The following CCDC91 variants were observed in gnomAD, a reference collection of about 807,000 sequenced individuals.
The protein encoded by CCDC91 is coiled-coil domain-containing protein 91.
In CCDC91, 48 loss-of-function variants were observed where a neutral mutation model predicts 63.2. The observed-to-expected ratio is 0.76, with a 90% CI of 0.60 to 0.97. The LOEUF is 0.97. Among genes scored for constraint, CCDC91 ranks in the 50% least tolerant of loss-of-function variants. The probability of loss-of-function intolerance (pLI) is 0.00; values close to 1 mark genes in which losing one functional copy is unlikely to be tolerated. For missense variants in CCDC91, 500 were observed against 494.6 expected, an observed-to-expected ratio of 1.01 and a Z score of -0.10; for synonymous variants, 167 against 165.8, an observed-to-expected ratio of 1.01 and a Z score of -0.06.
In CCDC91 at chr12:28,426,231, A is replaced by C. The variant is rs561534632; in HGVS notation, c.763-23930A>C. On this transcript the variant is annotated intron_variant, in intron 8 of 12. Coordinates refer to ENST00000536442, the MANE Select transcript of CCDC91 (RefSeq NM_018318.5). ...CTTTGGATCTCTGGCTGTTTTCAAA[A>C]TTTCCTCCTTTTCTTTGGTTTTGTG... Among the ~76,000 whole-genome samples the C allele has an allele frequency of 3.3e-5, 5 of 152,130 alleles. No individual in the cohort carries two copies. In the South Asian group the frequency reaches 8.3e-4, roughly 25 times the overall value.
At chr12:28,424,076 C>T (rs1948168415) in intron 8 of CCDC91, among the ~76,000 whole-genome samples, 1 of 152,030 alleles carries the variant, frequency 6.6e-6, no homozygotes, top group Middle Eastern at 3.2e-3. Flanking sequence ...TACTGGCTTG[C>T]ACCACCAAGG....
rs1270511792 is a variant in CCDC91 at position 28,489,208 on chromosome 12, C to T, written c.1215+5043C>T. On this transcript the variant is annotated intron_variant, in intron 12 of 12. Transcript: ENST00000536442. ...CTTCTTATGCCTCAGGGTAACTAGA[C>T]AATTGAAGTCTCTTAGGTGCTATTC... Among the ~76,000 whole-genome samples the T allele has an allele frequency of 4.6e-5, 7 of 152,008 alleles. No homozygotes were observed. The South Asian group carries it at 1.5e-3, about 32-fold the overall frequency.
chr12:28,483,121 C>T (rs1446288207), intron 11 of CCDC91, among the ~76,000 whole-genome samples: 1 of 151,740 alleles, frequency 6.6e-6, no homozygotes, highest in Non-Finnish European at 1.5e-5. Context: ...ATAGAGAATC[C>T]TTTATATTAT....
chr12:28,413,963 C>G (rs1947483272), intron 8 of CCDC91, among the ~76,000 whole-genome samples: 1 of 152,058 alleles, frequency 6.6e-6, no homozygotes, highest in Non-Finnish European at 1.5e-5. Context: ...CCCTTTTTGC[C>G]TGTTAGATAA....
At chr12:28,445,266 C>T (rs2140270981) in intron 8 of CCDC91, among the ~76,000 whole-genome samples, 1 of 152,164 alleles carries the variant, frequency 6.6e-6, no homozygotes, top group Non-Finnish European at 1.5e-5. Context: ...AGGTTCAGAG[C>T]TGGATTTGGT....
chr12:28,259,454 C>CAG lies in CCDC91; in HGVS notation c.109+13_109+14dup. 4.1e-6 allele frequency: 6 copies of CAG among 1,479,808 alleles called. No individual in the cohort carries two copies. Among genetic ancestry groups the CAG allele is most frequent in the Non-Finnish European group, 5.6e-6 (6 of 1,070,592 alleles). 91.7% of individuals were successfully genotyped at this position (1,479,808 alleles called of 1,614,324 possible). On this transcript the variant is annotated intron_variant, in intron 3 of 12. Coordinates refer to ENST00000536442, the MANE Select transcript of CCDC91 (RefSeq NM_018318.5). ...TGCCTTTCCTGCAGGTATTGGTATC[C>CAG]AGGAATTAGGGTTTTTTTTTTTTTT...
intron 1 of CCDC91, among the ~76,000 whole-genome samples, chr12:28,245,322 G>GAA (rs955926278): frequency 2.7e-5 from 4 of 150,072 alleles, no homozygotes; most frequent in African/African-American, 9.8e-5. Flanking sequence ...TCCATATCAG[G>GAA]AAAAAAAAAG....
chr12:28,549,183 G>T lies in CCDC91; in HGVS notation c.*10G>T. 6.8e-7 allele frequency: 1 copy of T among 1,460,096 alleles called. No homozygotes were observed. The highest frequency in any genetic ancestry group is 1.1e-5 in the South Asian group (1 of 87,578). 90.4% of individuals were successfully genotyped at this position (1,460,096 alleles called of 1,614,324 possible). On this transcript the variant is annotated 3_prime_UTR_variant, in exon 13 of 13. Transcript: ENST00000536442. Reference sequence around the variant, plus strand: ...AGTTGACATTGAATAAAAAGAACATGACAAACCCACACTGGCATTGGATAA... The same window carrying T: ...AGTTGACATTGAATAAAAAGAACATTACAAACCCACACTGGCATTGGATAA...
rs1195017780 is a variant in CCDC91 at position 28,452,589 on chromosome 12, A to G, written c.1036A>G (p.Lys346Glu). 1.9e-6 allele frequency: 3 copies of G among 1,585,068 alleles called. No individual in the cohort carries two copies. The East Asian group carries it at 6.8e-5, about 36-fold the overall frequency. Residue 346 changes from lysine (K) to glutamate (E), a missense_variant, in exon 11 of 13, where the codon AAA becomes GAA. Physicochemically the swap from Lys to Glu is moderately conservative, Grantham distance 56. Coordinates refer to ENST00000536442, the MANE Select transcript of CCDC91 (RefSeq NM_018318.5). ...GGAATTATGGAAGACAGAACATGCAAAAGATCAAGAAAAAGTATCTCAGGA... is the reference window on the plus strand; with the variant it reads ...GGAATTATGGAAGACAGAACATGCAGAAGATCAAGAAAAAGTATCTCAGGA... Reference protein sequence around the residue: ...ERELWKTEHAKDQEKVSQEIQ... With the variant: ...ERELWKTEHAEDQEKVSQEIQ...
Position 28,526,738 on chromosome 12 carries a change from G to A in CCDC91, c.1216-22325G>A, listed in dbSNP as rs551146904. Among the ~76,000 whole-genome samples, 5 of 152,012 alleles carry A rather than the reference G, an allele frequency of 3.3e-5. No homozygotes were observed. In the South Asian group the frequency reaches 8.3e-4, roughly 25 times the overall value. ...TTTTCTCTTCCTCCTCAGGAACACC[G>A]ATTATTCTTAGGTTTGGCCATTTAA... is the stretch of plus-strand genomic sequence containing the variant. On this transcript the variant is annotated intron_variant, in intron 12 of 12. Transcript: ENST00000536442.
intron 1 of CCDC91, among the ~76,000 whole-genome samples, chr12:28,211,637 G>C (rs11049464): frequency 0.26 from 39,716 of 152,134 alleles, 5,460 homozygotes; most frequent in Non-Finnish European, 0.31. Context: ...TTCTGTAAGA[G>C]TTCGTTGCCT....
chr12:28,493,998 G>A (rs1159616735), intron 12 of CCDC91, among the ~76,000 whole-genome samples: 1 of 151,706 alleles, frequency 6.6e-6, no homozygotes, highest in Admixed American at 6.6e-5. Context: ...ATTTTAGGCA[G>A]ATCAGGTCAC....
At chr12:28,258,460 A>G (rs1407552534) in intron 2 of CCDC91, among the ~76,000 whole-genome samples, 1 of 152,014 alleles carries the variant, frequency 6.6e-6, no homozygotes, top group African/African-American at 2.4e-5. Flanking sequence ...ACACTTTGTT[A>G]TATTCATCAA....
chr12:28,428,573 C>CAAAAAAAAA (rs1438921507), intron 8 of CCDC91, among the ~76,000 whole-genome samples: 21 of 65,248 alleles, frequency 3.2e-4, no homozygotes, highest in African/African-American at 1.4e-3. Flanking sequence ...CCGTCTCTCC[C>CAAAAAAAAA]CAAAAAAAAA....
intron 3 of CCDC91, among the ~76,000 whole-genome samples, chr12:28,291,236 G>A (rs1014624217): frequency 1.3e-5 from 2 of 152,208 alleles, no homozygotes; most frequent in African/African-American, 4.8e-5. Flanking sequence ...TTGTGGAAAT[G>A]TTTTCCCTGA....
chr12:28,327,973 G>A (rs550465831), intron 6 of CCDC91, among the ~76,000 whole-genome samples: 2 of 152,168 alleles, frequency 1.3e-5, no homozygotes, highest in Non-Finnish European at 2.9e-5. Flanking sequence ...TCTTGTAGGC[G>A]TTATGCTGGG....
intron 11 of CCDC91, among the ~76,000 whole-genome samples, chr12:28,481,692 A>C (rs1344427485): frequency 2.0e-5 from 3 of 152,000 alleles, no homozygotes; most frequent in African/African-American, 7.2e-5. Flanking sequence ...CATTCAAAGG[A>C]ATAATTTATA....
At chr12:28,321,431 A>G (rs1940488372) in intron 6 of CCDC91, among the ~76,000 whole-genome samples, 1 of 151,902 alleles carries the variant, frequency 6.6e-6, no homozygotes, top group Admixed American at 6.6e-5. Flanking sequence ...TGGTTGACTG[A>G]AATGTGTGGT....
intron 8 of CCDC91, among the ~76,000 whole-genome samples, chr12:28,417,378 A>G (rs1447006976): frequency 6.6e-6 from 1 of 152,038 alleles, no homozygotes; most frequent in East Asian, 1.9e-4. Context: ...GTTACCCCAA[A>G]AGATTTCCTC....
Sources: gnomAD v4.1 joint callset for allele counts (sites outside exome capture counted in the v4.1 genomes callset) on GRCh38, gnomAD v4.1.1 for gene constraint, MANE v1.5 for transcripts, NCBI Gene and HGNC (gene_info 2026-07-23, HGNC 2026-07-21) for gene names.